Variants in MAPKBP1 observed in about 807,000 individuals in gnomAD.
The protein encoded by MAPKBP1 is mitogen-activated protein kinase-binding protein 1.
MAPKBP1 carries 71 observed loss-of-function variants against 170.5 expected under a neutral mutation model. That is an observed-to-expected ratio of 0.42 (90% CI 0.34 to 0.51). The LOEUF (loss-of-function observed/expected upper bound fraction) is 0.51. Ranked by LOEUF, MAPKBP1 falls within the 20% of genes least tolerant of loss-of-function variation. MAPKBP1 has a pLI of 0.06. For synonymous variants in MAPKBP1, 719 were observed against 757.9 expected (o/e 0.95, Z 0.84); for missense variants, 1,598 against 1,933.0 (o/e 0.83, Z 3.25).
chr15:41,825,673 C>T lies in MAPKBP1; in HGVS notation c.*237C>T, dbSNP rs1275752194. ...TCCACAGCCCCTCCAGTGGCAGGGA[C>T]AGGTCTTGGGTCTTTGTCATCTTGG... On this transcript the variant is annotated 3_prime_UTR_variant, in exon 31 of 31. Coordinates refer to ENST00000457542, the MANE Select transcript of MAPKBP1 (RefSeq NM_014994.3). 3 of 490,562 alleles carry T rather than the reference C, an allele frequency of 6.1e-6. No homozygotes were observed. The highest frequency in any genetic ancestry group is 1.1e-5 in the Non-Finnish European group (3 of 274,594). The allele number at this position is 490,562 out of a possible 1,614,324, so 30.4% of individuals were successfully genotyped here. A position where few individuals can be genotyped will look rare whatever the true frequency, so the allele number is the denominator to read the frequency against.
intron 21 of MAPKBP1, 90 bp from the exon 22 acceptor site, chr15:41,819,505 C>A: frequency 6.9e-7 from 1 of 1,439,984 alleles, no homozygotes; most frequent in Non-Finnish European, 9.4e-7. Context: ...TGTGGCCACA[C>A]AGGGTATGGG....
intron 2 of MAPKBP1, among the ~76,000 whole-genome samples, chr15:41,786,674 A>G (rs886747008): frequency 6.7e-6 from 1 of 149,170 alleles, no homozygotes; most frequent in Admixed American, 6.7e-5. Flanking sequence ...CTGAGGCAAG[A>G]GAATGACATG....
At chr15:41,786,777 A>AATATATATAT (rs1180590172) in intron 2 of MAPKBP1, among the ~76,000 whole-genome samples, 98 of 32,292 alleles carry the variant, frequency 3.0e-3, no homozygotes, top group East Asian at 0.02. Flanking sequence ...AAAAAAAAAA[A>AATATATATAT]ATATATATAT....
chr15:41,786,617 T>C (rs991389374), intron 2 of MAPKBP1, among the ~76,000 whole-genome samples: 13 of 150,274 alleles, frequency 8.7e-5, no homozygotes, highest in Admixed American at 7.3e-4. Context: ...ACAAAAAAAT[T>C]AGCTGGGCGT....
intron 2 of MAPKBP1, among the ~76,000 whole-genome samples, chr15:41,795,931 T>C (rs1232409075): frequency 6.6e-6 from 1 of 152,146 alleles, no homozygotes; most frequent in Non-Finnish European, 1.5e-5. Flanking sequence ...TTTAAAAGAA[T>C]CCCTGTGACC....
At position 41,775,205 on chromosome 15, in the gene MAPKBP1, G is replaced by A; in HGVS notation, c.-71G>A. On this transcript the variant is annotated 5_prime_UTR_variant, in exon 2 of 31. Coordinates refer to ENST00000457542, the MANE Select transcript of MAPKBP1 (RefSeq NM_014994.3). The stretch of plus-strand genomic sequence containing the variant: ...CATACTGGGAAGCCCTCTGGAGTGG[G>A]AAGACAGTGCCGCTGTTGAGACAAG... 2.4e-6 allele frequency: 3 copies of A among 1,254,014 alleles called. No homozygotes were observed. In the South Asian group the frequency reaches 3.7e-5, roughly 15 times the overall value. The allele number at this position is 1,254,014 out of a possible 1,614,324, so 77.7% of individuals were successfully genotyped here.
chr15:41,819,075 C>A, intron 20 of MAPKBP1, 118 bp downstream of exon 20: 1 of 1,500,624 alleles, frequency 6.7e-7, no homozygotes, highest in Non-Finnish European at 9.1e-7. Flanking sequence ...CAAGACCTTA[C>A]CTCTCACACA....
rs373392024 is a variant in MAPKBP1, at chr15:41,821,762, G to A, written c.2885+12G>A. On this transcript the variant is annotated intron_variant, in intron 24 of 30. Transcript: ENST00000457542. ...ACCATGGATACCAGGCAAGGATCCT[G>A]CCCTAGCCAGACCCCGTGCCCCCGT... 1.1e-5 allele frequency: 17 copies of A among 1,613,046 alleles called. No homozygotes were observed. In the African/African-American group the frequency reaches 2.1e-4, roughly 20 times the overall value.
rs749213495 is a variant in MAPKBP1, at chr15:41,819,279, G to A, written c.2325G>A (p.Pro775=). The change falls in exon 21 of 31, where the codon CCG becomes CCA. Residue 775 remains proline, a synonymous_variant. Coordinates refer to ENST00000457542, the MANE Select transcript of MAPKBP1 (RefSeq NM_014994.3). ...CCCCATCAATGCTGTCTCCTGGACC[G>A]GCTCTCTCATCAGACAGTGACAAGG... ...HQAPSMLSPG[P]ALSSDSDKEG... The A allele has an allele frequency of 2.5e-5, 41 of 1,613,960 alleles. No individual in the cohort carries two copies. In the Admixed American group the frequency reaches 4.8e-4, roughly 19 times the overall value.
chr15:41,779,756 A>G (rs1465296812), intron 2 of MAPKBP1, among the ~76,000 whole-genome samples: 2 of 152,182 alleles, frequency 1.3e-5, no homozygotes, highest in Admixed American at 6.5e-5. Flanking sequence ...ATAGATGACT[A>G]AGAGTGGATG....
chr15:41,811,299 C>T, intron 5 of MAPKBP1, 64 bp downstream of exon 5: 3 of 1,578,790 alleles, frequency 1.9e-6, no homozygotes, highest in Middle Eastern at 3.3e-4. Context: ...CCGCAGAGAG[C>T]TGCGGTCCTA....
Position 41,817,929 on chromosome 15 carries a change from G to A in MAPKBP1, c.1905-80G>A. The stretch of plus-strand genomic sequence containing the variant: ...AGCTCCCAGAGAGTGTAGACTGGGA[G>A]TGAAAGCTGGCATTTCCATCCCCCA... On this transcript the variant is annotated intron_variant, in intron 16 of 30. Coordinates refer to ENST00000457542, the MANE Select transcript of MAPKBP1 (RefSeq NM_014994.3). The surrounding 1 kb of genome is among the most constrained non-coding windows in gnomAD (Gnocchi z 4.2). 1.3e-6 allele frequency: 2 copies of A among 1,539,924 alleles called. No homozygotes were observed. Among genetic ancestry groups the A allele is most frequent in the African/African-American group, 1.4e-5 (1 of 73,478 alleles).
At chr15:41,810,085 C>T (rs1400358491) in intron 3 of MAPKBP1, among the ~76,000 whole-genome samples, 2 of 152,216 alleles carry the variant, frequency 1.3e-5, no homozygotes, top group East Asian at 3.8e-4. Context: ...CAGCTCTTGC[C>T]AGGTACACAC....
At chr15:41,801,258 A>G (rs1192402887) in intron 3 of MAPKBP1, among the ~76,000 whole-genome samples, 3 of 152,270 alleles carry the variant, frequency 2.0e-5, no homozygotes, top group Non-Finnish European at 4.4e-5. Context: ...GAGTGGGGCT[A>G]CTATTCTTTC....
intron 2 of MAPKBP1, among the ~76,000 whole-genome samples, chr15:41,779,330 C>A (rs1199410888): frequency 6.6e-6 from 1 of 152,180 alleles, no homozygotes; most frequent in Admixed American, 6.5e-5. Context: ...CCTGCCTCAG[C>A]CTCCTGAGTA....
rs2065037610 is a variant in MAPKBP1, at chr15:41,823,526, C to T, written c.3678C>T (p.Gly1226=). The T allele has an allele frequency of 8.1e-6, 13 of 1,614,042 alleles. No homozygotes were observed. The highest frequency in any genetic ancestry group is 1.1e-5 in the Non-Finnish European group (13 of 1,180,018). ...SREIEAQDGL[G]SLPPADGRPS... ...AGATCGAAGCTCAGGATGGTCTGGG[C>T]TCCCTGCCCCCAGCTGATGGCCGTC... Residue 1226 remains glycine (G), a synonymous_variant, in exon 29 of 31, where the codon GGC becomes GGT. Coordinates refer to ENST00000457542, the MANE Select transcript of MAPKBP1 (RefSeq NM_014994.3).
At chr15:41,781,078 T>C (rs11631424) in intron 2 of MAPKBP1, among the ~76,000 whole-genome samples, 2 of 136,380 alleles carry the variant, frequency 1.5e-5, no homozygotes, top group Admixed American at 7.4e-5. Flanking sequence ...TTTTTTTTTT[T>C]CCTTTTTTCT....
intron 1 of MAPKBP1, 101 bp from the exon 2 acceptor site, chr15:41,775,066 A>G: frequency 1.8e-6 from 1 of 554,442 alleles, no homozygotes; most frequent in Non-Finnish European, 3.2e-6. Context: ...GAAGGTGGGG[A>G]TGAGGGAAAT....
intron 2 of MAPKBP1, among the ~76,000 whole-genome samples, chr15:41,777,382 G>A (rs2064116217): frequency 6.6e-6 from 1 of 151,836 alleles, no homozygotes; most frequent in South Asian, 2.1e-4. Context: ...AGGAAGGGAT[G>A]CTTGAACTGT....
Sources: allele counts gnomAD v4.1 joint callset (sites outside exome capture counted in the v4.1 genomes callset), GRCh38; gene constraint gnomAD v4.1.1; non-coding constraint Gnocchi (gnomAD v3.1); transcripts MANE v1.5; gene names NCBI Gene and HGNC (gene_info 2026-07-23, HGNC 2026-07-21).